CPVL: variants seen among roughly 807,000 people sequenced by gnomAD.
CPVL encodes probable serine carboxypeptidase CPVL.
Under a neutral mutation model 63.7 loss-of-function variants are expected in CPVL, and 51 were observed. That is an observed-to-expected ratio of 0.80 (90% CI 0.64 to 1.01). The LOEUF (loss-of-function observed/expected upper bound fraction) is 1.01. Among genes scored for constraint, CPVL ranks in the 50% least tolerant of loss-of-function variants. CPVL has a pLI of 0.00. For synonymous variants in CPVL, 195 were observed against 206.0 expected (o/e 0.95, Z 0.46); for missense variants, 530 against 573.1 (o/e 0.92, Z 0.77).
chr7:29,119,821 C>T (rs1431297639), intron 2 of CPVL, among the ~76,000 whole-genome samples: 4 of 152,158 alleles, frequency 2.6e-5, no homozygotes, highest in East Asian at 1.9e-4. Context: ...AGCCTACACA[C>T]CAGCTGATAT....
At chr7:29,004,108 A>T (rs748269758) in intron 12 of CPVL, among the ~76,000 whole-genome samples, 4 of 152,256 alleles carry the variant, frequency 2.6e-5, no homozygotes, top group Non-Finnish European at 5.9e-5. Context: ...TAATCTCTAC[A>T]TAAACATAAA....
chr7:29,143,625 C>A (rs755988193), intron 1 of CPVL, among the ~76,000 whole-genome samples: 7 of 151,936 alleles, frequency 4.6e-5, no homozygotes, highest in Admixed American at 6.6e-5. Context: ...GAAGAGCTTA[C>A]CTTTAGGGTT....
intron 5 of CPVL, among the ~76,000 whole-genome samples, chr7:29,162,016 A>G (rs978813201): frequency 2.0e-4 from 30 of 152,220 alleles, no homozygotes; most frequent in African/African-American, 5.5e-4. Flanking sequence ...AAAAAATACT[A>G]ATAATACCAA....
intron 5 of CPVL, among the ~76,000 whole-genome samples, chr7:29,158,229 T>C (rs995188551): frequency 6.6e-6 from 1 of 152,202 alleles, no homozygotes; most frequent in South Asian, 2.1e-4. Flanking sequence ...AAGGACTATC[T>C]TCCTTCAGTG....
intron 12 of CPVL, among the ~76,000 whole-genome samples, chr7:29,022,130 A>G (rs1443542449): frequency 6.6e-6 from 1 of 152,120 alleles, no homozygotes; most frequent in African/African-American, 2.4e-5. Context: ...ACACCTGCAC[A>G]TATCTTAACA....
chr7:29,001,313 T>C (rs888989262), intron 12 of CPVL: 3 of 152,286 alleles, frequency 2.0e-5, no homozygotes, highest in Middle Eastern at 6.8e-3. Flanking sequence ...ATTGGTTTAT[T>C]GTTTCTGCTT....
chr7:29,119,448 C>T (rs564669771), intron 2 of CPVL, among the ~76,000 whole-genome samples: 10 of 140,062 alleles, frequency 7.1e-5, no homozygotes, highest in African/African-American at 2.4e-4. Flanking sequence ...GGCTGCACCA[C>T]TGCACTCCAG....
chr7:29,098,690 T>C (rs1231502966), intron 3 of CPVL, among the ~76,000 whole-genome samples: 1 of 152,218 alleles, frequency 6.6e-6, no homozygotes, highest in Non-Finnish European at 1.5e-5. Flanking sequence ...AATTCAAATC[T>C]AGGCTTTACT....
intron 12 of CPVL, among the ~76,000 whole-genome samples, chr7:29,028,833 C>G (rs1246133567): frequency 6.6e-6 from 1 of 151,878 alleles, no homozygotes; most frequent in African/African-American, 2.4e-5. Context: ...GGTGTGGTGG[C>G]AGGCGCCTGT....
chr7:29,113,643 G>A (rs1199489464), intron 2 of CPVL: 1 of 152,200 alleles, frequency 6.6e-6, no homozygotes, highest in East Asian at 1.9e-4. Flanking sequence ...CCACTTTACA[G>A]ATAAGAAAGC....
At chr7:29,089,741 C>A (rs1184277219) in intron 6 of CPVL, among the ~76,000 whole-genome samples, 1 of 152,176 alleles carries the variant, frequency 6.6e-6, no homozygotes, top group Admixed American at 6.5e-5. Context: ...AATACAACTG[C>A]AAAATTGCCC....
chr7:29,043,671 A>G (rs944141546), intron 11 of CPVL, among the ~76,000 whole-genome samples: 12 of 152,198 alleles, frequency 7.9e-5, no homozygotes, highest in Admixed American at 7.8e-4. Flanking sequence ...CCCAATGACA[A>G]GACTTGGGAA....
chr7:29,043,793 A>C (rs1009458258), intron 11 of CPVL, among the ~76,000 whole-genome samples: 1 of 152,176 alleles, frequency 6.6e-6, no homozygotes, highest in African/African-American at 2.4e-5. Context: ...CCAACGAAAA[A>C]GCCCTAGGAA....
intron 11 of CPVL, among the ~76,000 whole-genome samples, chr7:29,049,166 C>T (rs905918057): frequency 6.6e-6 from 1 of 151,552 alleles, no homozygotes; most frequent in African/African-American, 2.4e-5. Context: ...AGGCAATAAC[C>T]AAGATCAGAA....
chr7:29,174,627 G>T (rs188595778), intron 5 of CPVL, among the ~76,000 whole-genome samples: 1 of 152,134 alleles, frequency 6.6e-6, no homozygotes, highest in Non-Finnish European at 1.5e-5. Flanking sequence ...TTGGGAGGCC[G>T]ACTTGGGCGG....
Position 29,063,354 on chromosome 7 carries a change from T to C in CPVL, c.1137+707A>G, listed in dbSNP as rs757361827. 1.9e-4 allele frequency among the ~76,000 whole-genome samples: 29 copies of C among 152,070 alleles called. 1 individual carries two copies. The highest frequency in any genetic ancestry group is 3.7e-4 in the Non-Finnish European group (25 of 68,018). ...GAATGAATACAACCATTAGGCAAAA[T>C]GCATTTTCAGAATAACCAGTTGATT... On this transcript the variant is annotated intron_variant, in intron 11 of 12. Coordinates refer to ENST00000265394, the MANE Select transcript of CPVL (RefSeq NM_031311.5).
At chr7:29,039,996 CTAAG>C (rs1788915221) in intron 11 of CPVL, among the ~76,000 whole-genome samples, 1 of 152,086 alleles carries the variant, frequency 6.6e-6, no homozygotes, top group Non-Finnish European at 1.5e-5. Flanking sequence ...GAACAGCAGC[CTAAG>C]CTATTCCAGG....
At chr7:29,055,125 C>T (rs958106534) in intron 11 of CPVL, among the ~76,000 whole-genome samples, 39 of 152,202 alleles carry the variant, frequency 2.6e-4, no homozygotes, top group Admixed American at 1.2e-3. Context: ...TGTTTATTCA[C>T]AGGCTGTAGC....
chr7:29,129,038 A>G (rs1790395039), intron 1 of CPVL, among the ~76,000 whole-genome samples: 1 of 152,112 alleles, frequency 6.6e-6, no homozygotes, highest in African/African-American at 2.4e-5. Flanking sequence ...ACCACTGGAG[A>G]GTTTAGAGCA....
Sources: gnomAD v4.1 joint callset for allele counts (sites outside exome capture counted in the v4.1 genomes callset) on GRCh38, gnomAD v4.1.1 for gene constraint, MANE v1.5 for transcripts, NCBI Gene and HGNC (gene_info 2026-07-23, HGNC 2026-07-21) for gene names.